Variants in PHLPP1 observed in about 807,000 individuals in gnomAD.
PHLPP1 encodes the protein PH domain and leucine rich repeat protein phosphatase 1, also known as PH domain leucine-rich repeat-containing protein phosphatase 1.
A neutral mutation model predicts 117.2 loss-of-function variants in PHLPP1; 42 were observed. The observed-to-expected ratio is 0.36, with a 90% CI of 0.28 to 0.46. The LOEUF is 0.46. Ranked by LOEUF, PHLPP1 falls within the 20% of genes least tolerant of loss-of-function variation. The probability of loss-of-function intolerance (pLI) is 1.00; values close to 1 mark genes in which losing one functional copy is unlikely to be tolerated. For missense variants in PHLPP1, 2,084 were observed against 2,241.9 expected, an observed-to-expected ratio of 0.93 and a Z score of 1.42; for synonymous variants, 1,042 against 970.7, an observed-to-expected ratio of 1.07 and a Z score of -1.37.
At chr18:62,916,315 T>A (rs1220310236) in intron 9 of PHLPP1, among the ~76,000 whole-genome samples, 1 of 151,696 alleles carries the variant, frequency 6.6e-6, no homozygotes, top group Non-Finnish European at 1.5e-5. Flanking sequence ...GAAATAATAC[T>A]CTGAGAATTC....
chr18:62,829,805 C>G (rs1914707939), intron 1 of PHLPP1, among the ~76,000 whole-genome samples: 2 of 152,056 alleles, frequency 1.3e-5, no homozygotes, highest in Admixed American at 1.3e-4. Context: ...ATGGTGTTTT[C>G]CTATGATTTT....
intron 1 of PHLPP1, among the ~76,000 whole-genome samples, chr18:62,786,743 G>A (rs1342712719): frequency 6.6e-6 from 1 of 152,180 alleles, no homozygotes; most frequent in Non-Finnish European, 1.5e-5. Flanking sequence ...AATGATTTTG[G>A]TAAAAGGTTC....
intron 9 of PHLPP1, among the ~76,000 whole-genome samples, chr18:62,915,758 G>T (rs1452776217): frequency 6.6e-6 from 1 of 152,204 alleles, no homozygotes; most frequent in African/African-American, 2.4e-5. Context: ...CTCTGCATCT[G>T]TGCTGGCCAG....
chr18:62,726,820 G>T (rs111801094), intron 1 of PHLPP1, among the ~76,000 whole-genome samples: 2 of 151,594 alleles, frequency 1.3e-5, no homozygotes, highest in African/African-American at 4.8e-5. Flanking sequence ...CTGAGCTCAG[G>T]TGATCCATCT....
At chr18:62,798,469 T>C (rs1913686967) in intron 1 of PHLPP1, among the ~76,000 whole-genome samples, 1 of 152,172 alleles carries the variant, frequency 6.6e-6, no homozygotes, top group African/African-American at 2.4e-5. Context: ...ATTTAAACTC[T>C]GAGATAGTTT....
At chr18:62,849,832 A>AAAAAATATATATATATATAT (rs1555677083) in intron 3 of PHLPP1, among the ~76,000 whole-genome samples, 2 of 33,086 alleles carry the variant, frequency 6.0e-5, no homozygotes, top group Non-Finnish European at 1.1e-4. Context: ...AAAAAAAAAA[A>AAAAAATATATATATATATAT]ATATATATAT....
chr18:62,774,125 A>C (rs966800116), intron 1 of PHLPP1, among the ~76,000 whole-genome samples: 2 of 152,168 alleles, frequency 1.3e-5, no homozygotes, highest in Non-Finnish European at 2.9e-5. Flanking sequence ...CTTGTGATAT[A>C]TGTACTGATT....
chr18:62,863,666 G>A (rs753325677), intron 4 of PHLPP1, among the ~76,000 whole-genome samples: 9 of 152,200 alleles, frequency 5.9e-5, no homozygotes, highest in Non-Finnish European at 1.0e-4. Flanking sequence ...AACTCATGGT[G>A]CTGGTGGGAG....
intron 11 of PHLPP1, among the ~76,000 whole-genome samples, chr18:62,942,922 C>T (rs1910171092): frequency 6.6e-6 from 1 of 152,106 alleles, no homozygotes; most frequent in South Asian, 2.1e-4. Context: ...TATTTACTTT[C>T]CTCCTCATTT....
chr18:62,734,042 A>C (rs1367247585), intron 1 of PHLPP1, among the ~76,000 whole-genome samples: 1 of 152,214 alleles, frequency 6.6e-6, no homozygotes, highest in African/African-American at 2.4e-5. Flanking sequence ...GAAACAAAAA[A>C]ATGCAAATGT....
At chr18:62,869,825 C>G (rs537280684) in intron 4 of PHLPP1, among the ~76,000 whole-genome samples, 25 of 152,292 alleles carry the variant, frequency 1.6e-4, no homozygotes, top group Admixed American at 6.5e-4. Context: ...TATGTGGTAT[C>G]GGAGTAACTG....
intron 1 of PHLPP1, among the ~76,000 whole-genome samples, chr18:62,730,137 A>C (rs1911187739): frequency 6.6e-6 from 1 of 152,180 alleles, no homozygotes; most frequent in African/African-American, 2.4e-5. Context: ...CTGAATATGG[A>C]AAACGTATCC....
chr18:62,853,292 G>A (rs923298807), intron 3 of PHLPP1, among the ~76,000 whole-genome samples: 1 of 151,742 alleles, frequency 6.6e-6, no homozygotes, highest in Non-Finnish European at 1.5e-5. Flanking sequence ...TGTGTCCATC[G>A]TGGTAGAAAA....
intron 12 of PHLPP1, among the ~76,000 whole-genome samples, chr18:62,949,595 A>C (rs1396857119): frequency 6.6e-6 from 1 of 152,220 alleles, no homozygotes; most frequent in Non-Finnish European, 1.5e-5. Context: ...TGAGTGGATC[A>C]TTAGTGTTAT....
chr18:62,932,801 A>G (rs891645313), intron 10 of PHLPP1, among the ~76,000 whole-genome samples: 4 of 152,192 alleles, frequency 2.6e-5, no homozygotes, highest in African/African-American at 9.7e-5. Flanking sequence ...AGGTCATCCA[A>G]ATAGGAAAAG....
Position 62,920,548 on chromosome 18 carries a change from T to G in PHLPP1, c.2960+434T>G, listed in dbSNP as rs372720474. 8.3e-4 allele frequency among the ~76,000 whole-genome samples: 126 copies of G among 152,282 alleles called. 4 individuals are homozygous for G. The South Asian group carries it at 0.02, about 24-fold the overall frequency. On this transcript the variant is annotated intron_variant, in intron 10 of 16. Coordinates refer to ENST00000262719, the MANE Select transcript of PHLPP1 (RefSeq NM_194449.4). Reference sequence around the variant, plus strand: ...GCTTAGTTGTTATTGTTTTTTGTTGTTGGTGGTGTTTTTTGTTTTTTGATC... The same window carrying G: ...GCTTAGTTGTTATTGTTTTTTGTTGGTGGTGGTGTTTTTTGTTTTTTGATC...
At chr18:62,723,047 A>C (rs1457038420) in intron 1 of PHLPP1, among the ~76,000 whole-genome samples, 2 of 152,228 alleles carry the variant, frequency 1.3e-5, no homozygotes, top group African/African-American at 4.8e-5. Context: ...CCACATGCAT[A>C]CTGAAGTAAT....
intron 8 of PHLPP1, among the ~76,000 whole-genome samples, chr18:62,913,567 A>T (rs1917015668): frequency 6.6e-6 from 1 of 152,198 alleles, no homozygotes; most frequent in South Asian, 2.1e-4. Context: ...AAGAATTGTC[A>T]TAATGTACGT....
intron 1 of PHLPP1, among the ~76,000 whole-genome samples, chr18:62,749,021 C>T (rs938974972): frequency 2.0e-5 from 3 of 152,108 alleles, no homozygotes; most frequent in African/African-American, 7.2e-5. Context: ...TCTTCAACAT[C>T]CTTTCTTTAA....
Sources: allele counts gnomAD v4.1 joint callset (sites outside exome capture counted in the v4.1 genomes callset), GRCh38; gene constraint gnomAD v4.1.1; transcripts MANE v1.5; gene names NCBI Gene and HGNC (gene_info 2026-07-23, HGNC 2026-07-21).